TNRC6B: variants seen among roughly 807,000 people sequenced by gnomAD.
TNRC6B encodes the protein trinucleotide repeat-containing gene 6B protein.
In TNRC6B, 52 loss-of-function variants were observed where a neutral mutation model predicts 203.6. That is an observed-to-expected ratio of 0.26 (90% CI 0.20 to 0.32). The LOEUF (loss-of-function observed/expected upper bound fraction) is 0.32. TNRC6B is among the 10% of genes least tolerant of loss of function. The pLI is 1.00. For missense variants in TNRC6B, 1,923 were observed against 2,286.2 expected, an observed-to-expected ratio of 0.84 and a Z score of 3.24; for synonymous variants, 838 against 845.7, an observed-to-expected ratio of 0.99 and a Z score of 0.16.
At chr22:40,057,276 A>G (rs1443400106) in intron 1 of TNRC6B, among the ~76,000 whole-genome samples, 1 of 147,436 alleles carries the variant, frequency 6.8e-6, no homozygotes, top group Non-Finnish European at 1.5e-5. Flanking sequence ...AAATGTGTAC[A>G]TTGAAAATAT....
chr22:40,145,337 A>G (rs755866629), intron 3 of TNRC6B, among the ~76,000 whole-genome samples: 14 of 150,162 alleles, frequency 9.3e-5, no homozygotes, highest in Non-Finnish European at 1.8e-4. Context: ...ACTTCAATTT[A>G]AAAAAAAAAT....
rs113309778 is a variant in TNRC6B at position 40,240,547 on chromosome 22, C to A, written c.6-5468C>A. Among the ~76,000 whole-genome samples, 53 of 152,268 alleles carry A rather than the reference C, an allele frequency of 3.5e-4. 2 individuals carry two copies. The highest frequency in any genetic ancestry group is 1.3e-3 in the African/African-American group (52 of 41,544). On this transcript the variant is annotated intron_variant, in intron 1 of 22. Coordinates refer to ENST00000454349, the MANE Select transcript of TNRC6B (RefSeq NM_001162501.2). ...CATATGTACCTGGAAGCTGGGTGCA[C>A]CTATAAACTATTCTTGGCACAAAGT... is the stretch of plus-strand genomic sequence containing the variant.
intron 1 of TNRC6B, among the ~76,000 whole-genome samples, chr22:40,230,472 A>G (rs940370114): frequency 1.3e-5 from 2 of 151,494 alleles, no homozygotes; most frequent in Non-Finnish European, 2.9e-5. Flanking sequence ...TTGTTTTTTT[A>G]GTAACAATGG....
chr22:40,311,291 A>C (rs1376574652), intron 17 of TNRC6B, among the ~76,000 whole-genome samples: 3 of 152,158 alleles, frequency 2.0e-5, no homozygotes, highest in African/African-American at 7.2e-5. Context: ...GTTAGTTCTT[A>C]GGCAAGTGTG....
chr22:40,057,737 T>C (rs2067812445), intron 1 of TNRC6B, among the ~76,000 whole-genome samples: 1 of 152,174 alleles, frequency 6.6e-6, no homozygotes, highest in Non-Finnish European at 1.5e-5. Context: ...ACTTGCTGGG[T>C]ACAAGATTCT....
chr22:40,277,947 G>C, intron 8 of TNRC6B, 52 bp from the exon 9 acceptor site: 1 of 1,398,980 alleles, frequency 7.1e-7, no homozygotes, highest in Non-Finnish European at 9.9e-7. Flanking sequence ...CCACTTCTTT[G>C]ATTCAAAGAT....
chr22:40,202,260 G>GTTTTTGTTTTTTTGT (rs761983025), intron 1 of TNRC6B, among the ~76,000 whole-genome samples: 3,872 of 129,618 alleles, frequency 0.03, 70 homozygotes, highest in African/African-American at 0.047. Context: ...TTGTTTTTTT[G>GTTTTTGTTTTTTTGT]TTTTTTTTTT....
intron 1 of TNRC6B, among the ~76,000 whole-genome samples, chr22:40,191,328 C>A (rs1310806530): frequency 6.6e-6 from 1 of 152,132 alleles, no homozygotes; most frequent in Non-Finnish European, 1.5e-5. Context: ...AGGTGTTTAA[C>A]ATGTTGCTTG....
chr22:40,067,714 C>T (rs1348030523), intron 1 of TNRC6B, among the ~76,000 whole-genome samples: 1 of 152,046 alleles, frequency 6.6e-6, no homozygotes, highest in African/African-American at 2.4e-5. Context: ...GGAGGGAATC[C>T]CATCCTGGAA....
At chr22:40,300,762 T>G (rs1184529120) in intron 13 of TNRC6B, 148 bp from the exon 14 acceptor site, 3 of 1,222,184 alleles carry the variant, frequency 2.5e-6, no homozygotes, top group South Asian at 3.1e-5. Flanking sequence ...GAGGAAAATG[T>G]AACCAAGAGA....
In TNRC6B at chr22:40,266,820, C is replaced by G. The variant is rs1569045851; in HGVS notation, c.2590C>G (p.Pro864Ala). 2 of 1,613,844 alleles carry G rather than the reference C, an allele frequency of 1.2e-6. No homozygotes were observed. Among genetic ancestry groups the G allele is most frequent in the South Asian group, 1.1e-5 (1 of 91,054 alleles). The change falls in exon 5 of 23, where the codon CCT becomes GCT. Residue 864 changes from proline to alanine, a missense_variant. Pro to Ala is a conservative substitution (Grantham distance 27). This residue lies in a region of TNRC6B where 599 missense variants were observed against 656.5 expected (regional missense o/e 0.91). Transcript: ENST00000454349. The part of the protein sequence containing the change: ...SNSSWSSGPQ[P>A]ATPKDEEPSG... ...TTCCAGCTGGAGCAGCGGGCCACAG[C>G]CTGCAACACCTAAGGATGAGGAACC... is the stretch of plus-strand genomic sequence containing the variant.
At position 40,334,726 on chromosome 22, in the gene TNRC6B, T is replaced by C. The variant is rs2044015505; in HGVS notation, c.*11485T>C. 6.6e-6 allele frequency: 1 copy of C among 152,496 alleles called. No individual in the cohort carries two copies. The highest frequency in any genetic ancestry group is 1.5e-5 in the Non-Finnish European group (1 of 68,008). The allele number at this position is 152,496 out of a possible 1,614,324, so 9.4% of individuals were successfully genotyped here. A position where few individuals can be genotyped will look rare whatever the true frequency, so the allele number is the denominator to read the frequency against. On this transcript the variant is annotated 3_prime_UTR_variant, in exon 23 of 23. Transcript: ENST00000454349. ...GAGACGCAGGAGGACCTGGGGGGCG[T>C]AGCAGAGGAGGATAGGTAGAGAAGT...
chr22:40,154,860 A>AATAC (rs2068802582), intron 3 of TNRC6B, among the ~76,000 whole-genome samples: 1 of 23,586 alleles, frequency 4.2e-5, no homozygotes, highest in East Asian at 9.7e-4. Context: ...AAAAAAAAAA[A>AATAC]ATATATATAT....
In TNRC6B at chr22:40,141,806, G is replaced by A. The variant is rs556194053; in HGVS notation, c.46-14309G>A. 2.0e-5 allele frequency among the ~76,000 whole-genome samples: 3 copies of A among 151,934 alleles called. No homozygotes were observed. In the East Asian group the frequency reaches 5.8e-4, roughly 29 times the overall value. On this transcript the variant is annotated intron_variant, in intron 3 of 23. Coordinates refer to the TNRC6B transcript ENST00000301923. Reference sequence around the variant, plus strand: ...TTGTTTTTTCTTGAGTCAGTGTCTTGCTCTGTCACCCAGGTTGGAGTGCAG... The same window carrying A: ...TTGTTTTTTCTTGAGTCAGTGTCTTACTCTGTCACCCAGGTTGGAGTGCAG...
chr22:40,324,598 C>T lies in TNRC6B; in HGVS notation c.*1357C>T, dbSNP rs118015030. ...GCAGCTACTCCCTCTGCTCCTTTCT[C>T]GCCGAGCGTTACCTGTGCCAGGCCG... On this transcript the variant is annotated 3_prime_UTR_variant, in exon 23 of 23. Coordinates refer to ENST00000454349, the MANE Select transcript of TNRC6B (RefSeq NM_001162501.2). The T allele has an allele frequency of 2.0e-5, 3 of 152,766 alleles. No individual in the cohort carries two copies. The highest frequency in any genetic ancestry group is 1.9e-4 in the East Asian group (1 of 5,182). The allele number at this position is 152,766 out of a possible 1,614,324, so 9.5% of individuals were successfully genotyped here.
rs182488602 is a variant in TNRC6B, at chr22:40,212,773, C to T, written c.6-33242C>T. Among the ~76,000 whole-genome samples the T allele has an allele frequency of 1.1e-4, 16 of 152,176 alleles. No individual in the cohort carries two copies. The East Asian group carries it at 2.9e-3, about 28-fold the overall frequency. On this transcript the variant is annotated intron_variant, in intron 1 of 22. Coordinates refer to ENST00000454349, the MANE Select transcript of TNRC6B (RefSeq NM_001162501.2). ...AAGCGATTCTCGTGCCTCAGCCTTCCGAGTACCTGGGATTAATAGGCACGT... is the reference window on the plus strand; with the variant it reads ...AAGCGATTCTCGTGCCTCAGCCTTCTGAGTACCTGGGATTAATAGGCACGT...
At chr22:40,090,400 TG>T (rs941405247) in intron 1 of TNRC6B, among the ~76,000 whole-genome samples, 8 of 128,176 alleles carry the variant, frequency 6.2e-5, no homozygotes, top group South Asian at 2.3e-4. Context: ...GGCATCTCAT[TG>T]TTTTTTTTTT....
intron 1 of TNRC6B, among the ~76,000 whole-genome samples, chr22:40,047,632 T>C (rs1489965113): frequency 9.9e-5 from 15 of 152,140 alleles, no homozygotes; most frequent in Admixed American, 9.8e-4. Flanking sequence ...TACATTAAGC[T>C]CATTCTTGGC....
intron 4 of TNRC6B, among the ~76,000 whole-genome samples, chr22:40,158,001 T>C (rs2068833325): frequency 6.6e-6 from 1 of 152,076 alleles, no homozygotes; most frequent in African/African-American, 2.4e-5. Context: ...TGAAAAATAC[T>C]GTTGTTAGTA....
Sources: allele counts gnomAD v4.1 joint callset (sites outside exome capture counted in the v4.1 genomes callset), GRCh38; gene constraint gnomAD v4.1.1; regional missense constraint gnomAD v4.1.1; transcripts MANE v1.5; gene names NCBI Gene and HGNC (gene_info 2026-07-23, HGNC 2026-07-21).